CACNA2D3: variants seen among roughly 807,000 people sequenced by gnomAD.
CACNA2D3 encodes the protein voltage-dependent calcium channel subunit alpha-2/delta-3.
In CACNA2D3, 60 loss-of-function variants were observed where a neutral mutation model predicts 160.6. The ratio of observed to expected loss-of-function variants is 0.37; its 90% CI spans 0.30 to 0.46. The LOEUF is 0.46. Ranked by LOEUF, CACNA2D3 falls within the 20% of genes least tolerant of loss-of-function variation. The pLI is 1.00. For synonymous variants in CACNA2D3, 558 were observed against 492.9 expected (o/e 1.13, Z -1.75); for missense variants, 1,205 against 1,365.0 (o/e 0.88, Z 1.85).
intron 13 of CACNA2D3, among the ~76,000 whole-genome samples, chr3:54,794,685 T>C (rs573806587): frequency 5.9e-4 from 89 of 152,126 alleles, no homozygotes; most frequent in African/African-American, 1.9e-3. Context: ...AGAATTCTAG[T>C]TTACAGTTGT....
intron 34 of CACNA2D3, among the ~76,000 whole-genome samples, chr3:55,011,647 G>T (rs1703213973): frequency 6.6e-6 from 1 of 152,124 alleles, no homozygotes; most frequent in African/African-American, 2.4e-5. Flanking sequence ...CACATAAAAT[G>T]GTGGGAGGAA....
intron 9 of CACNA2D3, among the ~76,000 whole-genome samples, chr3:54,591,369 T>G (rs1322716329): frequency 6.6e-6 from 1 of 152,088 alleles, no homozygotes; most frequent in Admixed American, 6.5e-5. Flanking sequence ...TGGGGCAGCC[T>G]AGTCAGCAGC....
At chr3:54,801,140 C>A (rs1416913064) in intron 13 of CACNA2D3, among the ~76,000 whole-genome samples, 1 of 151,980 alleles carries the variant, frequency 6.6e-6, no homozygotes, top group East Asian at 1.9e-4. Flanking sequence ...GCACCCAGCA[C>A]CACGCCTGGC....
chr3:54,303,815 T>C (rs1375294273), intron 2 of CACNA2D3, among the ~76,000 whole-genome samples: 1 of 96,520 alleles, frequency 1.0e-5, no homozygotes, highest in East Asian at 2.9e-4. Flanking sequence ...TGACTTTTTT[T>C]CTGTTTTTTT....
At chr3:54,371,254 AT>A (rs1698921414) in intron 3 of CACNA2D3, among the ~76,000 whole-genome samples, 1 of 152,142 alleles carries the variant, frequency 6.6e-6, no homozygotes, top group Non-Finnish European at 1.5e-5. Flanking sequence ...GCTGGGTCAT[AT>A]GGTAACTCTT....
chr3:55,073,402 G>GACGGATGGTAAATGACTGCCTCGCTACC (rs1559480214), intron 35 of CACNA2D3, 43 bp from the exon 36 acceptor site: 1 of 1,460,438 alleles, frequency 6.8e-7, no homozygotes, highest in South Asian at 1.1e-5. Flanking sequence ...CTCTTTAATT[G>GACGGATGGTAAATGACTGCCTCGCTACC]ACGGATGGTA....
At chr3:54,445,702 G>A (rs113691438) in intron 4 of CACNA2D3, among the ~76,000 whole-genome samples, 11 of 152,112 alleles carry the variant, frequency 7.2e-5, no homozygotes, top group African/African-American at 2.7e-4. Context: ...TCACATTTCT[G>A]TAATGTGTGA....
In CACNA2D3 at chr3:54,674,228, G is replaced by A. The variant is rs533905679; in HGVS notation, c.1167+31987G>A. Among the ~76,000 whole-genome samples the A allele has an allele frequency of 7.2e-5, 11 of 152,154 alleles. No individual in the cohort carries two copies. The East Asian group carries it at 2.1e-3, about 29-fold the overall frequency. ...TTGGAACATAAATGTGGTCCCCAGG[G>A]TTCCTTTATTCTGCTGATGATACAG... On this transcript the variant is annotated intron_variant, in intron 11 of 37. Transcript: ENST00000474759.
intron 9 of CACNA2D3, among the ~76,000 whole-genome samples, chr3:54,605,569 C>T (rs996946718): frequency 6.6e-6 from 1 of 152,178 alleles, no homozygotes; most frequent in Non-Finnish European, 1.5e-5. Flanking sequence ...CTCACCCAAC[C>T]CACCATACAG....
chr3:54,539,790 A>C (rs1339986968), intron 5 of CACNA2D3, among the ~76,000 whole-genome samples: 1 of 152,192 alleles, frequency 6.6e-6, no homozygotes, highest in African/African-American at 2.4e-5. Flanking sequence ...CTGAAGAAAG[A>C]AATGTGTTTA....
chr3:54,206,347 C>T (rs2107356445), intron 2 of CACNA2D3, among the ~76,000 whole-genome samples: 1 of 152,142 alleles, frequency 6.6e-6, no homozygotes, highest in Non-Finnish European at 1.5e-5. Flanking sequence ...ACAGGTTTAA[C>T]CCAGGGGAAA....
intron 29 of CACNA2D3, among the ~76,000 whole-genome samples, chr3:54,976,014 G>A (rs140465137): frequency 1.8e-3 from 272 of 148,900 alleles, no homozygotes; most frequent in African/African-American, 6.5e-3. Context: ...TCTGTCTTAG[G>A]TATCCATAGA....
chr3:54,173,734 A>G (rs1169569812), intron 2 of CACNA2D3, among the ~76,000 whole-genome samples: 1 of 152,222 alleles, frequency 6.6e-6, no homozygotes, highest in Admixed American at 6.5e-5. Context: ...AGCCCCAGAA[A>G]ATTTTAATTT....
chr3:54,261,721 G>T (rs1575351368), intron 2 of CACNA2D3, among the ~76,000 whole-genome samples: 1 of 152,320 alleles, frequency 6.6e-6, no homozygotes, highest in East Asian at 1.9e-4. Context: ...AAGGTCTCTG[G>T]TCTTGTGTGT....
intron 4 of CACNA2D3, among the ~76,000 whole-genome samples, chr3:54,424,478 A>G (rs1699884424): frequency 6.6e-6 from 1 of 152,214 alleles, no homozygotes. Flanking sequence ...GCCTGGATGT[A>G]CATTAGCTGA....
At chr3:54,483,756 T>G (rs759995486) in intron 4 of CACNA2D3, among the ~76,000 whole-genome samples, 4 of 152,258 alleles carry the variant, frequency 2.6e-5, no homozygotes, top group Non-Finnish European at 5.9e-5. Flanking sequence ...TTGTAATTTC[T>G]AATTTTTGTT....
At chr3:54,774,588 C>G (rs572456618) in intron 13 of CACNA2D3, among the ~76,000 whole-genome samples, 1 of 149,028 alleles carries the variant, frequency 6.7e-6, no homozygotes, top group South Asian at 2.1e-4. Context: ...CAAACCATAT[C>G]AGGGGTTAAT....
At chr3:55,052,163 A>G (rs1184378985) in intron 35 of CACNA2D3, among the ~76,000 whole-genome samples, 1 of 151,730 alleles carries the variant, frequency 6.6e-6, no homozygotes, top group Admixed American at 6.6e-5. Flanking sequence ...ATATTTTCTC[A>G]TTTTCCTTAT....
intron 5 of CACNA2D3, among the ~76,000 whole-genome samples, chr3:54,554,523 C>T (rs2106691458): frequency 6.6e-6 from 1 of 152,278 alleles, no homozygotes; most frequent in Middle Eastern, 3.4e-3. Flanking sequence ...GAGTTGGAGG[C>T]TTCCACTGTT....
Sources: allele counts gnomAD v4.1 joint callset (sites outside exome capture counted in the v4.1 genomes callset), GRCh38; gene constraint gnomAD v4.1.1; transcripts MANE v1.5; gene names NCBI Gene and HGNC (gene_info 2026-07-23, HGNC 2026-07-21).